Variants in CMSS1 observed in about 807,000 individuals in gnomAD.
CMSS1 encodes cms1 ribosomal small subunit homolog.
A neutral mutation model predicts 43.5 loss-of-function variants in CMSS1; 33 were observed. The ratio of observed to expected loss-of-function variants is 0.76; its 90% CI spans 0.57 to 1.01. The LOEUF is 1.01. Among genes scored for constraint, CMSS1 ranks in the 50% least tolerant of loss-of-function variants. The pLI is 0.00. For missense variants in CMSS1, 313 were observed against 326.4 expected, an observed-to-expected ratio of 0.96 and a Z score of 0.32; for synonymous variants, 115 against 117.2, an observed-to-expected ratio of 0.98 and a Z score of 0.12.
At chr3:100,126,031 G>A (rs2066659443) in intron 1 of CMSS1, among the ~76,000 whole-genome samples, 1 of 152,198 alleles carries the variant, frequency 6.6e-6, no homozygotes, top group African/African-American at 2.4e-5. Context: ...TATAACGTCT[G>A]TATGATGATC....
At chr3:100,038,907 T>C (rs903761732) in intron 1 of CMSS1, among the ~76,000 whole-genome samples, 1 of 151,932 alleles carries the variant, frequency 6.6e-6, no homozygotes, top group Non-Finnish European at 1.5e-5. Context: ...TTGCATGTAA[T>C]AAAAAGAAGA....
intron 1 of CMSS1, among the ~76,000 whole-genome samples, chr3:100,078,211 T>G (rs1394522177): frequency 1.3e-5 from 2 of 152,178 alleles, no homozygotes; most frequent in Non-Finnish European, 2.9e-5. Flanking sequence ...AATTAACTTT[T>G]CAAAGTGTTG....
intron 1 of CMSS1, among the ~76,000 whole-genome samples, chr3:100,134,486 G>A (rs1401630343): frequency 6.6e-6 from 1 of 152,144 alleles, no homozygotes; most frequent in African/African-American, 2.4e-5. Context: ...GTTCGAGGAT[G>A]GCCTCATCTC....
intron 1 of CMSS1, among the ~76,000 whole-genome samples, chr3:99,965,961 A>G (rs1001863030): frequency 2.0e-5 from 3 of 152,008 alleles, no homozygotes; most frequent in Non-Finnish European, 4.4e-5. Flanking sequence ...CTCTCTCCCC[A>G]TATGTAAGCC....
chr3:99,960,882 A>G (rs1392013013), intron 1 of CMSS1, among the ~76,000 whole-genome samples: 3 of 152,216 alleles, frequency 2.0e-5, no homozygotes, highest in Non-Finnish European at 4.4e-5. Context: ...TCTAAAGTAA[A>G]TGTACTCTGT....
chr3:100,179,989 G>T lies in CMSS1; in HGVS notation c.*1601G>T, dbSNP rs142266930. 1,609 of 152,410 alleles carry T rather than the reference G, an allele frequency of 0.011. 12 individuals carry two copies. Among genetic ancestry groups the T allele is most frequent in the Admixed American group, 0.019 (285 of 15,312 alleles). 9.4% of individuals were successfully genotyped at this position (152,410 alleles called of 1,614,324 possible). A position where few individuals can be genotyped will look rare whatever the true frequency, so the allele number is the denominator to read the frequency against. On this transcript the variant is annotated 3_prime_UTR_variant, in exon 10 of 10. Coordinates refer to ENST00000421999, the MANE Select transcript of CMSS1 (RefSeq NM_032359.4). ...ACACCCATAAGCCCAACAGCACGTG[G>T]AAGCTGCCAAGGCTTGGGGCTTGCA...
chr3:100,106,336 G>A (rs1472630702), intron 1 of CMSS1, among the ~76,000 whole-genome samples: 1 of 152,162 alleles, frequency 6.6e-6, no homozygotes, highest in Admixed American at 6.5e-5. Flanking sequence ...GCCTAGGCAT[G>A]ACTGATTCTA....
At position 99,851,930 on chromosome 3, in the gene CMSS1, G is replaced by A. The variant is rs576497574; in HGVS notation, c.64+33887G>A. Among the ~76,000 whole-genome samples, 80 of 152,266 alleles carry A rather than the reference G, an allele frequency of 5.3e-4. No homozygotes were observed. In the South Asian group the frequency reaches 0.012, roughly 23 times the overall value. On this transcript the variant is annotated intron_variant, in intron 1 of 9. Transcript: ENST00000421999. ...TTCATAACATTTGAGAAGAGCATGC[G>A]GTTTGGTAGGAAAGTGCTTATTGAT...
intron 1 of CMSS1, among the ~76,000 whole-genome samples, chr3:100,140,035 T>A: frequency 6.6e-6 from 1 of 152,174 alleles, no homozygotes; most frequent in East Asian, 1.9e-4. Context: ...TATGCATTAA[T>A]CAAAATCCAT....
At chr3:100,125,492 T>A (rs1017765047) in intron 1 of CMSS1, among the ~76,000 whole-genome samples, 1 of 152,220 alleles carries the variant, frequency 6.6e-6, no homozygotes, top group African/African-American at 2.4e-5. Flanking sequence ...CAACTCTCAG[T>A]GAAATAAATG....
At chr3:99,882,274 T>G (rs1474041768) in intron 1 of CMSS1, among the ~76,000 whole-genome samples, 1 of 152,226 alleles carries the variant, frequency 6.6e-6, no homozygotes, top group Admixed American at 6.5e-5. Flanking sequence ...CCATTATTTA[T>G]GTAGTTAATT....
intron 1 of CMSS1, among the ~76,000 whole-genome samples, chr3:99,866,386 G>A (rs2107570004): frequency 6.6e-6 from 1 of 152,156 alleles, no homozygotes; most frequent in African/African-American, 2.4e-5. Flanking sequence ...ACTTGTTAGT[G>A]GGAAATTCAA....
At chr3:100,133,284 T>A (rs2066724490) in intron 1 of CMSS1, among the ~76,000 whole-genome samples, 1 of 152,136 alleles carries the variant, frequency 6.6e-6, no homozygotes, top group African/African-American at 2.4e-5. Flanking sequence ...TAATATAATA[T>A]TAAAGGATAA....
At chr3:99,936,425 G>C (rs1032281702) in intron 1 of CMSS1, among the ~76,000 whole-genome samples, 1 of 131,312 alleles carries the variant, frequency 7.6e-6, no homozygotes, top group African/African-American at 3.0e-5. Context: ...GCCCAGGCTA[G>C]AGTGCAGTGG....
chr3:100,176,575 C>T (rs1179119131), intron 9 of CMSS1, among the ~76,000 whole-genome samples, 160 bp downstream of exon 9: 2 of 152,186 alleles, frequency 1.3e-5, no homozygotes, highest in Non-Finnish European at 2.9e-5. Context: ...ATAGAGGCCA[C>T]CTCATCCCCT....
chr3:99,834,649 CTT>C (rs905682245), intron 1 of CMSS1, among the ~76,000 whole-genome samples: 1 of 152,092 alleles, frequency 6.6e-6, no homozygotes, highest in African/African-American at 2.4e-5. Context: ...CTCAGCTTTT[CTT>C]TTTTTGTACC....
At chr3:100,078,968 CA>C (rs2065892628) in intron 1 of CMSS1, among the ~76,000 whole-genome samples, 3 of 152,168 alleles carry the variant, frequency 2.0e-5, no homozygotes, top group Non-Finnish European at 1.5e-5. Flanking sequence ...GGGCCACATT[CA>C]AAGCTGTCCT....
At chr3:99,977,250 C>T (rs1323271577) in intron 1 of CMSS1, among the ~76,000 whole-genome samples, 4 of 151,950 alleles carry the variant, frequency 2.6e-5, no homozygotes, top group Non-Finnish European at 5.9e-5. Flanking sequence ...GGAGCTGATG[C>T]CTCATCCCAG....
intron 1 of CMSS1, among the ~76,000 whole-genome samples, chr3:99,921,450 G>T (rs1707122023): frequency 6.6e-6 from 1 of 152,184 alleles, no homozygotes; most frequent in Non-Finnish European, 1.5e-5. Flanking sequence ...ACGTGAATGG[G>T]CCCACACTAC....
Sources: gnomAD v4.1 joint callset for allele counts (sites outside exome capture counted in the v4.1 genomes callset) on GRCh38, gnomAD v4.1.1 for gene constraint, MANE v1.5 for transcripts, NCBI Gene and HGNC (gene_info 2026-07-23, HGNC 2026-07-21) for gene names.